The following CCSER1 variants were observed in gnomAD, a reference collection of about 807,000 sequenced individuals.
The protein encoded by CCSER1 is coiled-coil serine rich protein 1, also known as serine-rich coiled-coil domain-containing protein 1.
In CCSER1, 41 loss-of-function variants were observed where a neutral mutation model predicts 82.0. The ratio of observed to expected loss-of-function variants is 0.50; its 90% CI spans 0.39 to 0.65. The LOEUF is 0.65. CCSER1 is among the 30% of genes least tolerant of loss of function. CCSER1 has a pLI of 0.00. For missense variants in CCSER1, 1,119 were observed against 1,064.2 expected (o/e 1.05, Z -0.72); for synonymous variants, 414 against 383.9 (o/e 1.08, Z -0.92).
chr4:90,598,888 G>T (rs1783696936), intron 5 of CCSER1, among the ~76,000 whole-genome samples: 2 of 152,114 alleles, frequency 1.3e-5, no homozygotes, highest in Non-Finnish European at 2.9e-5. Flanking sequence ...AGGGAATGTT[G>T]CAGTATCATG....
At chr4:90,444,119 C>T (rs891737559) in intron 4 of CCSER1, among the ~76,000 whole-genome samples, 9 of 151,870 alleles carry the variant, frequency 5.9e-5, no homozygotes, top group African/African-American at 2.2e-4. Flanking sequence ...CAATTGCTTC[C>T]TAGAATGTGT....
chr4:91,225,662 A>G (rs1010844099), intron 10 of CCSER1, among the ~76,000 whole-genome samples: 5 of 151,740 alleles, frequency 3.3e-5, no homozygotes, highest in Non-Finnish European at 5.9e-5. Flanking sequence ...TCTCTATGCC[A>G]TTGACCTGCT....
At chr4:91,320,573 A>C (rs1448149612) in intron 10 of CCSER1, among the ~76,000 whole-genome samples, 1 of 152,088 alleles carries the variant, frequency 6.6e-6, no homozygotes, top group African/African-American at 2.4e-5. Flanking sequence ...TTGAGTAAGA[A>C]GAGTGCTGTC....
chr4:90,582,654 A>G (rs1204916017), intron 5 of CCSER1, among the ~76,000 whole-genome samples: 3 of 152,180 alleles, frequency 2.0e-5, no homozygotes, highest in Non-Finnish European at 2.9e-5. Flanking sequence ...CTCCTTTGAC[A>G]GGGTTTTCTC....
chr4:91,063,473 T>C (rs1744124249), intron 9 of CCSER1, among the ~76,000 whole-genome samples: 2 of 152,152 alleles, frequency 1.3e-5, no homozygotes, highest in Admixed American at 1.3e-4. Context: ...ATGGTAATAA[T>C]CAAATGTTTT....
chr4:90,731,374 G>A (rs551642473), intron 7 of CCSER1, among the ~76,000 whole-genome samples: 1 of 152,212 alleles, frequency 6.6e-6, no homozygotes, highest in Admixed American at 6.5e-5. Context: ...GACGATGTTG[G>A]TTTTGCAGGG....
chr4:90,695,317 A>G (rs374155384), intron 6 of CCSER1, among the ~76,000 whole-genome samples: 1 of 151,950 alleles, frequency 6.6e-6, no homozygotes, highest in South Asian at 2.1e-4. Flanking sequence ...ATCTAATACT[A>G]AGCACTCTTT....
At chr4:90,673,113 G>T (rs570829379) in intron 6 of CCSER1, among the ~76,000 whole-genome samples, 11 of 152,030 alleles carry the variant, frequency 7.2e-5, no homozygotes, top group Non-Finnish European at 1.0e-4. Flanking sequence ...CAATAGATTT[G>T]CTGGAAACAG....
At chr4:90,282,189 G>T (rs955763029) in intron 1 of CCSER1, among the ~76,000 whole-genome samples, 6 of 151,850 alleles carry the variant, frequency 4.0e-5, no homozygotes, top group Admixed American at 1.3e-4. Flanking sequence ...ATATGTTTGA[G>T]TGCTTTTTAG....
At chr4:90,472,518 C>T (rs1480312365) in intron 5 of CCSER1, among the ~76,000 whole-genome samples, 1 of 152,040 alleles carries the variant, frequency 6.6e-6, no homozygotes. Context: ...CTAACTAAAT[C>T]GTTAAGAAGG....
At chr4:91,572,329 T>C (rs1392332240) in intron 10 of CCSER1, among the ~76,000 whole-genome samples, 1 of 151,996 alleles carries the variant, frequency 6.6e-6, no homozygotes, top group Non-Finnish European at 1.5e-5. Flanking sequence ...ACAGGCCTGT[T>C]GCTGACCAAA....
chr4:91,126,836 CA>C (rs1727562484), intron 10 of CCSER1, among the ~76,000 whole-genome samples: 2 of 151,676 alleles, frequency 1.3e-5, no homozygotes, highest in South Asian at 2.1e-4. Context: ...AAGCACTCAA[CA>C]AAAATCTATA....
Position 91,598,235 on chromosome 4 carries a change from T to C in CCSER1, c.2218-337T>C, listed in dbSNP as rs184573319. ...CTATATTCATCACTTATTAAAATAA[T>C]CTGTATTTTCATACTCTGGTATCGC... On this transcript the variant is annotated intron_variant, in intron 10 of 10. Transcript: ENST00000509176. Among the ~76,000 whole-genome samples, 375 of 152,306 alleles carry C rather than the reference T, an allele frequency of 2.5e-3. 3 individuals carry two copies. Among genetic ancestry groups the C allele is most frequent in the African/African-American group, 8.5e-3 (354 of 41,568 alleles).
At chr4:91,462,570 C>G (rs142260680) in intron 10 of CCSER1, among the ~76,000 whole-genome samples, 66 of 152,188 alleles carry the variant, frequency 4.3e-4, no homozygotes, top group African/African-American at 1.6e-3. Context: ...CATCGCCTCA[C>G]CCGGGAAGTG....
intron 8 of CCSER1, among the ~76,000 whole-genome samples, chr4:90,912,178 C>T (rs1454432046): frequency 6.6e-6 from 1 of 152,216 alleles, no homozygotes; most frequent in Non-Finnish European, 1.5e-5. Flanking sequence ...GACAGACTGC[C>T]TCCCCAAGTG....
chr4:90,760,730 T>G (rs1005091299), intron 7 of CCSER1, among the ~76,000 whole-genome samples: 1 of 152,124 alleles, frequency 6.6e-6, no homozygotes, highest in Non-Finnish European at 1.5e-5. Flanking sequence ...GCTCTGTTTC[T>G]TGTTATGGGA....
intron 10 of CCSER1, among the ~76,000 whole-genome samples, chr4:91,408,752 A>AAAC (rs1254940839): frequency 1.3e-5 from 2 of 152,222 alleles, no homozygotes; most frequent in African/African-American, 4.8e-5. Context: ...ATTCAGATAG[A>AAAC]AACAAAGGAA....
chr4:91,465,718 T>C (rs1756854444), intron 10 of CCSER1, among the ~76,000 whole-genome samples: 1 of 152,058 alleles, frequency 6.6e-6, no homozygotes, highest in Admixed American at 6.6e-5. Context: ...GAGAATACTA[T>C]AAACACCTCT....
chr4:90,835,850 CA>C (rs151090707), intron 8 of CCSER1, among the ~76,000 whole-genome samples: 2,353 of 152,222 alleles, frequency 0.015, 72 homozygotes, highest in African/African-American at 0.054. Flanking sequence ...AATCTCATGC[CA>C]TTGTGAAATG....
Sources: allele counts gnomAD v4.1 joint callset (sites outside exome capture counted in the v4.1 genomes callset), GRCh38; gene constraint gnomAD v4.1.1; transcripts MANE v1.5; gene names NCBI Gene and HGNC (gene_info 2026-07-23, HGNC 2026-07-21).